The following GAD1 variants were observed in gnomAD, a reference collection of about 807,000 sequenced individuals.
GAD1 encodes glutamate decarboxylase 1.
Under a neutral mutation model 75.2 loss-of-function variants are expected in GAD1, and 35 were observed. That is an observed-to-expected ratio of 0.47 (90% confidence interval 0.36 to 0.62). The LOEUF is 0.62. GAD1 is among the 20% of genes least tolerant of loss of function. The pLI, the probability that GAD1 is intolerant of heterozygous loss-of-function variation, is 0.00. For missense variants in GAD1, 490 were observed against 758.5 expected (o/e 0.65, Z 4.16); for synonymous variants, 257 against 271.9 (o/e 0.95, Z 0.54).
intron 10 of GAD1, among the ~76,000 whole-genome samples, chr2:170,846,693 AG>A (rs1294344088): frequency 6.6e-6 from 1 of 152,236 alleles, no homozygotes; most frequent in East Asian, 1.9e-4. Context: ...CAAGGAGCAG[AG>A]GTGGAGCTGA....
rs746613477 is a variant in GAD1, at chr2:170,845,605, T to C, written c.851T>C (p.Leu284Pro). The C allele has an allele frequency of 1.2e-6, 2 of 1,614,014 alleles. No homozygotes were observed. The highest frequency in any genetic ancestry group is 2.7e-5 in the African/African-American group (2 of 74,936). The change falls in exon 8 of 17, where the codon CTC (leucine) becomes CCC (proline). Residue 284 changes from leucine to proline, a missense_variant. By Grantham distance (98) the Leu-to-Pro change is moderately conservative. This residue lies in a region of GAD1 where 324 missense variants were observed against 523.9 expected (regional missense o/e 0.62). Transcript: ENST00000358196. ...ATGGCGGCTGTGCCTAAACTGGTCCTCTTCACCTCAGAACAGGTGAGTCGG... is the reference window on the plus strand; with the variant it reads ...ATGGCGGCTGTGCCTAAACTGGTCCCCTTCACCTCAGAACAGGTGAGTCGG... ...KGMAAVPKLVLFTSEQSHYSI... is the reference protein window; with the variant it reads ...KGMAAVPKLVPFTSEQSHYSI...
At position 170,853,949 on chromosome 2, in the gene GAD1, A is replaced by G; in HGVS notation, c.1340A>G (p.Asp447Gly). Residue 447 changes from aspartate to glycine, a missense_variant, in exon 14 of 17, where the codon GAC becomes GGC. By Grantham distance (94) the Asp-to-Gly change is moderately conservative (BLOSUM62 -1). Transcript: ENST00000358196. This position sits in a 1 kb window ranked among gnomAD's most constrained non-coding sequence, Gnocchi z 4.1. ...QPDKQYDVSY[D>G]TGDKAIQCGR... ...GACAAGCAGTATGATGTCTCCTACG[A>G]CACCGGGGACAAGGCAATTCAGTGT... The G allele has an allele frequency of 6.2e-7, 1 of 1,614,120 alleles. No homozygotes were observed. The highest frequency in any genetic ancestry group is 8.5e-7 in the Non-Finnish European group (1 of 1,180,024).
intron 3 of GAD1, chr2:170,829,150 C>T (rs1702152357): frequency 2.5e-6 from 1 of 399,906 alleles, no homozygotes; most frequent in South Asian, 2.1e-5. Flanking sequence ...CCTTTAAAGC[C>T]CTATCCTGGG....
intron 6 of GAD1, 33 bp downstream of exon 6, chr2:170,836,916 T>C: frequency 6.9e-7 from 1 of 1,439,488 alleles, no homozygotes; most frequent in Non-Finnish European, 9.8e-7. Context: ...TAAGCAACCC[T>C]GATGTATGAC....
intron 10 of GAD1, among the ~76,000 whole-genome samples, chr2:170,846,590 G>A (rs1236600583): frequency 1.3e-5 from 2 of 152,220 alleles, no homozygotes; most frequent in Admixed American, 6.5e-5. Flanking sequence ...ACACATGGTT[G>A]TTTCAGTTAC....
At chr2:170,836,696 A>C in intron 5 of GAD1, 97 bp from the exon 6 acceptor site, 2 of 829,422 alleles carry the variant, frequency 2.4e-6, no homozygotes, top group South Asian at 2.8e-5. Context: ...ACTGGGATGG[A>C]AGCCCCATCA....
chr2:170,856,156 C>G (rs964241270), intron 14 of GAD1, among the ~76,000 whole-genome samples: 2 of 152,154 alleles, frequency 1.3e-5, no homozygotes, highest in Non-Finnish European at 2.9e-5. Context: ...GGACTTTGCT[C>G]AGGCCCATTA....
chr2:170,822,837 G>A (rs566227466), intron 3 of GAD1, among the ~76,000 whole-genome samples: 1 of 152,346 alleles, frequency 6.6e-6, no homozygotes, highest in East Asian at 1.9e-4. Flanking sequence ...TTGAAGGCGA[G>A]GAGGGAAGGG....
intron 3 of GAD1, among the ~76,000 whole-genome samples, chr2:170,823,969 AT>A (rs764098647): frequency 1.3e-5 from 2 of 152,132 alleles, no homozygotes; most frequent in African/African-American, 2.4e-5. Flanking sequence ...AGTGCTTCTT[AT>A]GGGGACATAC....
intron 6 of GAD1, among the ~76,000 whole-genome samples, chr2:170,839,994 G>T (rs1304150256): frequency 6.6e-6 from 1 of 152,222 alleles, no homozygotes; most frequent in East Asian, 1.9e-4. Context: ...CAGGTCATTA[G>T]ATAGGAGCCT....
At chr2:170,824,222 G>T (rs1280894592) in intron 3 of GAD1, among the ~76,000 whole-genome samples, 1 of 152,214 alleles carries the variant, frequency 6.6e-6, no homozygotes, top group Non-Finnish European at 1.5e-5. Flanking sequence ...GGGGCCACAG[G>T]TTAGGAGGCT....
chr2:170,840,088 T>G (rs936777184), intron 6 of GAD1, among the ~76,000 whole-genome samples: 41 of 152,320 alleles, frequency 2.7e-4, no homozygotes, highest in African/African-American at 9.4e-4. Flanking sequence ...CTCGGAGATC[T>G]TAAAACAAAC....
At chr2:170,842,668 T>C in intron 6 of GAD1, 1 of 1,613,848 alleles carries the variant, frequency 6.2e-7, no homozygotes, top group Non-Finnish European at 8.5e-7. Flanking sequence ...ACTGCACACA[T>C]GGTTTCCAAG....
At chr2:170,831,700 TATAA>T (rs1203291728) in intron 5 of GAD1, among the ~76,000 whole-genome samples, 2 of 138,644 alleles carry the variant, frequency 1.4e-5, no homozygotes, top group African/African-American at 5.3e-5. Flanking sequence ...AAATAATAAT[TATAA>T]ATAATAAAAT....
rs1013721398 is a variant in GAD1, at chr2:170,818,455, C to A, written c.-63-74C>A. ...GGATCTTCAAGGGGAGCCTCCGTGC[C>A]CCCGGCTGCTCAGTCCCTCCGGTGT... On this transcript the variant is annotated intron_variant, in intron 1 of 16. Transcript: ENST00000358196. The surrounding 1 kb of genome is among the most constrained non-coding windows in gnomAD (Gnocchi z 5.9). The A allele has an allele frequency of 5.6e-5, 45 of 803,908 alleles. No individual in the cohort carries two copies. Among genetic ancestry groups the A allele is most frequent in the Middle Eastern group, 3.5e-4 (1 of 2,870 alleles). The allele number at this position is 803,908 out of a possible 1,614,324, so 49.8% of individuals were successfully genotyped here.
intron 6 of GAD1, among the ~76,000 whole-genome samples, chr2:170,840,226 T>C (rs1464818095): frequency 6.6e-6 from 1 of 152,204 alleles, no homozygotes; most frequent in African/African-American, 2.4e-5. Flanking sequence ...CAAGGTACAG[T>C]GTTTGCACCT....
chr2:170,845,981 A>G lies in GAD1; in HGVS notation c.948-28A>G, dbSNP rs770360292. On this transcript the variant is annotated intron_variant, in intron 9 of 16. Transcript: ENST00000358196. ...TGCAATCTCATTGACTCTTCATTTT[A>G]ATTTCCCTCCTTTTCCAATAATTAT... The G allele has an allele frequency of 1.9e-5, 31 of 1,603,566 alleles. No individual in the cohort carries two copies. The South Asian group carries it at 3.4e-4, about 18-fold the overall frequency.
intron 6 of GAD1, among the ~76,000 whole-genome samples, chr2:170,839,190 G>A (rs1171809289): frequency 2.0e-5 from 3 of 152,168 alleles, no homozygotes; most frequent in Non-Finnish European, 4.4e-5. Context: ...TTTTGGTCCT[G>A]TACTCTCATT....
At chr2:170,832,963 A>G (rs936648336) in intron 5 of GAD1, among the ~76,000 whole-genome samples, 1 of 152,196 alleles carries the variant, frequency 6.6e-6, no homozygotes, top group Non-Finnish European at 1.5e-5. Context: ...TCTTCTCCCT[A>G]TAACTCTCTC....
Sources: gnomAD v4.1 joint callset for allele counts (sites outside exome capture counted in the v4.1 genomes callset) on GRCh38, gnomAD v4.1.1 for gene constraint, gnomAD v4.1.1 regional missense constraint, Gnocchi (gnomAD v3.1) non-coding constraint, MANE v1.5 for transcripts, NCBI Gene and HGNC (gene_info 2026-07-23, HGNC 2026-07-21) for gene names.